The following AGMO variants were observed in gnomAD, a reference collection of about 807,000 sequenced individuals.
The protein encoded by AGMO is glyceryl-ether monooxygenase.
AGMO carries 75 observed loss-of-function variants against 60.2 expected under a neutral mutation model. That is an observed-to-expected ratio of 1.25 (90% CI 1.03 to 1.51). The LOEUF (loss-of-function observed/expected upper bound fraction) is 1.51. Among genes scored for constraint, AGMO ranks in the 40% most tolerant of loss-of-function variants. AGMO has a pLI of 0.00. For synonymous variants in AGMO, 261 were observed against 177.1 expected, an observed-to-expected ratio of 1.47 and a Z score of -3.76; for missense variants, 763 against 525.5, an observed-to-expected ratio of 1.45 and a Z score of -4.42.
At chr7:15,227,181 C>T (rs951574997) in intron 12 of AGMO, among the ~76,000 whole-genome samples, 5 of 151,988 alleles carry the variant, frequency 3.3e-5, no homozygotes, top group East Asian at 3.9e-4. Flanking sequence ...TAACTTAGTA[C>T]GTAACCAAAT....
At chr7:15,538,008 G>A (rs561401771) in intron 3 of AGMO, among the ~76,000 whole-genome samples, 1 of 152,140 alleles carries the variant, frequency 6.6e-6, no homozygotes, top group East Asian at 1.9e-4. Context: ...GTTAACATAG[G>A]TGCCATATTT....
At chr7:15,458,530 T>C (rs2128507897) in intron 3 of AGMO, among the ~76,000 whole-genome samples, 1 of 152,202 alleles carries the variant, frequency 6.6e-6, no homozygotes, top group East Asian at 1.9e-4. Flanking sequence ...AAATATAATA[T>C]TTTACTTGTT....
intron 4 of AGMO, among the ~76,000 whole-genome samples, chr7:15,420,102 G>C (rs761389923): frequency 2.0e-5 from 3 of 152,056 alleles, no homozygotes; most frequent in Non-Finnish European, 4.4e-5. Flanking sequence ...TGTTTGGAAA[G>C]ACTATGCATA....
At chr7:15,184,539 GT>G in the AGMO span, among the ~76,000 whole-genome samples, 4 of 127,900 alleles carry the variant, frequency 3.1e-5, no homozygotes, top group East Asian at 2.6e-4. Context: ...AGGAAGGGAG[GT>G]AAAAAGGAAG....
At chr7:15,297,223 C>G (rs1417613724) in intron 12 of AGMO, among the ~76,000 whole-genome samples, 3 of 152,046 alleles carry the variant, frequency 2.0e-5, no homozygotes, top group Non-Finnish European at 4.4e-5. Context: ...CGAAATCCCC[C>G]GAATCTACCA....
chr7:15,470,579 A>G (rs563618924), intron 3 of AGMO, among the ~76,000 whole-genome samples: 7 of 152,104 alleles, frequency 4.6e-5, no homozygotes, highest in Admixed American at 2.6e-4. Flanking sequence ...AAAATCCAGT[A>G]TTGACTTATG....
chr7:15,219,487 A>G (rs769549372), intron 12 of AGMO, among the ~76,000 whole-genome samples: 1 of 151,294 alleles, frequency 6.6e-6, no homozygotes. Context: ...GAAGGAAAAA[A>G]AGACAATTTT....
chr7:15,144,911 G>A, the AGMO span, among the ~76,000 whole-genome samples: 1 of 152,146 alleles, frequency 6.6e-6, no homozygotes, highest in African/African-American at 2.4e-5. Context: ...CTCACTGCAA[G>A]CTCCGCCTTC....
intron 3 of AGMO, among the ~76,000 whole-genome samples, chr7:15,471,330 A>G (rs1782445417): frequency 6.6e-6 from 1 of 151,936 alleles, no homozygotes; most frequent in Non-Finnish European, 1.5e-5. Flanking sequence ...ATATCTGAAC[A>G]TGAGGTTTAA....
chr7:15,498,966 G>C (rs1783307406), intron 3 of AGMO, among the ~76,000 whole-genome samples: 1 of 151,912 alleles, frequency 6.6e-6, no homozygotes, highest in Admixed American at 6.6e-5. Context: ...AAGAAAGTAT[G>C]AATTTGCAGG....
chr7:15,414,371 T>C (rs1040518765), intron 5 of AGMO, among the ~76,000 whole-genome samples: 3 of 152,140 alleles, frequency 2.0e-5, no homozygotes, highest in African/African-American at 7.2e-5. Context: ...AGGGCTTAGA[T>C]TGAATTATAT....
chr7:15,148,524 C>G, the AGMO span, among the ~76,000 whole-genome samples: 1 of 151,996 alleles, frequency 6.6e-6, no homozygotes, highest in Non-Finnish European at 1.5e-5. Context: ...CATTGTTCCT[C>G]TCTTTATGTT....
At chr7:15,413,482 C>G (rs757370519) in intron 5 of AGMO, among the ~76,000 whole-genome samples, 3 of 151,960 alleles carry the variant, frequency 2.0e-5, no homozygotes, top group Non-Finnish European at 4.4e-5. Flanking sequence ...ACTTGTAAGC[C>G]CCAGATTAAT....
At chr7:15,271,280 T>C (rs62450276) in intron 12 of AGMO, among the ~76,000 whole-genome samples, 15,003 of 152,210 alleles carry the variant, frequency 0.099, 776 homozygotes, top group East Asian at 0.2. Flanking sequence ...TTTAACGATA[T>C]TGATTCTTCC....
chr7:15,499,336 C>T (rs1783317463), intron 3 of AGMO, among the ~76,000 whole-genome samples: 1 of 151,868 alleles, frequency 6.6e-6, no homozygotes, highest in African/African-American at 2.4e-5. Flanking sequence ...CCAAACAAAA[C>T]TTTGAAGCAA....
At chr7:15,188,575 T>A in the AGMO span, among the ~76,000 whole-genome samples, 12 of 152,194 alleles carry the variant, frequency 7.9e-5, no homozygotes, top group Non-Finnish European at 1.6e-4. Context: ...GTTAGTATAA[T>A]GAGACTGGGT....
chr7:15,353,547 A>G (rs1427836389), intron 12 of AGMO, among the ~76,000 whole-genome samples: 2 of 152,218 alleles, frequency 1.3e-5, no homozygotes, highest in East Asian at 3.8e-4. Flanking sequence ...AAAACTACTC[A>G]ACTAAAAGAA....
chr7:15,271,521 C>A (rs900884327), intron 12 of AGMO, among the ~76,000 whole-genome samples: 4 of 152,054 alleles, frequency 2.6e-5, no homozygotes, highest in African/African-American at 9.7e-5. Context: ...AATTTTGTAT[C>A]TTGAAAATTT....
At chr7:15,280,774 C>T (rs913644696) in intron 12 of AGMO, among the ~76,000 whole-genome samples, 1 of 152,182 alleles carries the variant, frequency 6.6e-6, no homozygotes, top group African/African-American at 2.4e-5. Flanking sequence ...GCCTACAGGA[C>T]CTGGCTAAAT....
Sources: gnomAD v4.1 joint callset for allele counts (sites outside exome capture counted in the v4.1 genomes callset) on GRCh38, gnomAD v4.1.1 for gene constraint, MANE v1.5 for transcripts, NCBI Gene and HGNC (gene_info 2026-07-23, HGNC 2026-07-21) for gene names.